Variants in NUP205 observed in about 807,000 individuals in gnomAD.
NUP205 encodes nucleoporin 205, also known as nuclear pore complex protein Nup205.
NUP205 carries 76 observed loss-of-function variants against 253.8 expected under a neutral mutation model. The observed-to-expected ratio is 0.30, with a 90% confidence interval of 0.25 to 0.36. The LOEUF (loss-of-function observed/expected upper bound fraction) is 0.36. NUP205 is among the 10% of genes least tolerant of loss of function. The probability of loss-of-function intolerance (pLI) is 1.00; values close to 1 mark genes in which losing one functional copy is unlikely to be tolerated. For missense variants in NUP205, 2,162 were observed against 2,425.5 expected, an observed-to-expected ratio of 0.89 and a Z score of 2.28; for synonymous variants, 832 against 850.1, an observed-to-expected ratio of 0.98 and a Z score of 0.37.
chr7:135,614,719 TTTAAC>T (rs766744084), intron 23 of NUP205, among the ~76,000 whole-genome samples: 5 of 152,222 alleles, frequency 3.3e-5, no homozygotes, highest in African/African-American at 4.8e-5. Flanking sequence ...AGAAAACAGT[TTTAAC>T]TTAGTTTATT....
intron 42 of NUP205, among the ~76,000 whole-genome samples, chr7:135,648,143 A>G (rs1795048036): frequency 6.6e-6 from 1 of 152,154 alleles, no homozygotes; most frequent in Non-Finnish European, 1.5e-5. Context: ...ATCAGCATCA[A>G]CATTCATTGC....
At chr7:135,560,736 ATAC>A (rs1400826514) in intron 1 of NUP205, among the ~76,000 whole-genome samples, 1 of 152,218 alleles carries the variant, frequency 6.6e-6, no homozygotes. Flanking sequence ...CAAGACACAA[ATAC>A]TACATGATTC....
At chr7:135,643,413 C>A in intron 39 of NUP205, 55 bp downstream of exon 39, 1 of 1,410,964 alleles carries the variant, frequency 7.1e-7, no homozygotes, top group Non-Finnish European at 9.8e-7. Flanking sequence ...TGTTACTAGG[C>A]CAGGGTACTC....
chr7:135,631,370 C>CT (rs976137987), intron 35 of NUP205, among the ~76,000 whole-genome samples: 7 of 152,088 alleles, frequency 4.6e-5, no homozygotes, highest in African/African-American at 1.7e-4. Flanking sequence ...AGTATGTCAC[C>CT]TTTTAAAAGA....
In NUP205 at chr7:135,616,157, A is replaced by C. The variant is rs1794352976; in HGVS notation, c.3460+92A>C. 1.2e-5 allele frequency: 13 copies of C among 1,129,778 alleles called. No individual in the cohort carries two copies. The South Asian group carries it at 2.4e-4, about 21-fold the overall frequency. The allele number at this position is 1,129,778 out of a possible 1,614,324, so 70.0% of individuals were successfully genotyped here. The stretch of plus-strand genomic sequence containing the variant: ...GCTTGTGCTTAGTATGTGACTATAG[A>C]CCAAAACTATCTTCTCACTTTTAGA... On this transcript the variant is annotated intron_variant, in intron 24 of 42. Transcript: ENST00000285968.
At chr7:135,559,640 G>A (rs1353114078) in intron 1 of NUP205, among the ~76,000 whole-genome samples, 1 of 151,370 alleles carries the variant, frequency 6.6e-6, no homozygotes, top group African/African-American at 2.4e-5. Context: ...CAAAGTGGTA[G>A]GTTTACAGGT....
chr7:135,578,110 T>G, intron 6 of NUP205, 86 bp downstream of exon 6: 1 of 910,680 alleles, frequency 1.1e-6, no homozygotes, highest in Non-Finnish European at 1.8e-6. Context: ...ATATTTTAGC[T>G]ACTAAAATAG....
intron 36 of NUP205, among the ~76,000 whole-genome samples, chr7:135,636,476 T>G (rs1416050170): frequency 1.3e-5 from 2 of 152,106 alleles, no homozygotes; most frequent in Non-Finnish European, 2.9e-5. Context: ...CCAGAAAAGA[T>G]TGTACTCTCA....
intron 22 of NUP205, among the ~76,000 whole-genome samples, chr7:135,611,541 T>C (rs1794237520): frequency 6.6e-6 from 1 of 152,234 alleles, no homozygotes; most frequent in Non-Finnish European, 1.5e-5. Context: ...TGTATATACA[T>C]TGTTTATAGT....
chr7:135,619,398 C>G, intron 28 of NUP205, 25 bp from the exon 29 acceptor site: 1 of 1,594,946 alleles, frequency 6.3e-7, no homozygotes, highest in Non-Finnish European at 8.5e-7. Flanking sequence ...AGGATTCTCA[C>G]TCTAATTTGC....
chr7:135,570,688 AT>A (rs1805940151), intron 1 of NUP205, among the ~76,000 whole-genome samples: 1 of 83,404 alleles, frequency 1.2e-5, no homozygotes, highest in Admixed American at 2.4e-4. Context: ...TATTAATTAT[AT>A]TAATATAATT....
At chr7:135,570,776 T>TTA (rs1805959794) in intron 1 of NUP205, among the ~76,000 whole-genome samples, 2 of 58,922 alleles carry the variant, frequency 3.4e-5, no homozygotes, top group Non-Finnish European at 6.2e-5. Context: ...TATTAATATA[T>TTA]ATTAATTATA....
chr7:135,590,940 T>A (rs751418918), intron 10 of NUP205, among the ~76,000 whole-genome samples: 1 of 152,134 alleles, frequency 6.6e-6, no homozygotes, highest in African/African-American at 2.4e-5. Flanking sequence ...TTGTTGATAA[T>A]AGGTTTAAGG....
chr7:135,636,135 T>C lies in NUP205; in HGVS notation c.5136+478T>C, dbSNP rs1419286385. ...TACAAGCTCTGTAATCTCCTCTCAA[T>C]ATGTTCTAACATATTAGTTTGTCAA... On this transcript the variant is annotated intron_variant, in intron 36 of 42. Coordinates refer to ENST00000285968, the MANE Select transcript of NUP205 (RefSeq NM_015135.3). Among the ~76,000 whole-genome samples, 8 of 152,212 alleles carry C rather than the reference T, an allele frequency of 5.3e-5. No individual in the cohort carries two copies. In the East Asian group the frequency reaches 1.5e-3, roughly 29 times the overall value.
At chr7:135,585,911 T>C (rs1806449314) in intron 8 of NUP205, among the ~76,000 whole-genome samples, 1 of 152,156 alleles carries the variant, frequency 6.6e-6, no homozygotes. Flanking sequence ...ATAATGAATT[T>C]AAGAAACCGT....
At chr7:135,558,730 G>A (rs1451274135) in intron 1 of NUP205, among the ~76,000 whole-genome samples, 1 of 152,198 alleles carries the variant, frequency 6.6e-6, no homozygotes, top group Non-Finnish European at 1.5e-5. Flanking sequence ...GCGGGGCAAG[G>A]ATGCAGAAAG....
At chr7:135,637,860 T>C in intron 36 of NUP205, 71 bp from the exon 37 acceptor site, 1 of 1,433,458 alleles carries the variant, frequency 7.0e-7, no homozygotes, top group Non-Finnish European at 9.4e-7. Flanking sequence ...GAGTTTTTCT[T>C]GTTTCTATCC....
At chr7:135,580,930 G>A (rs1312981913) in intron 7 of NUP205, among the ~76,000 whole-genome samples, 1 of 152,006 alleles carries the variant, frequency 6.6e-6, no homozygotes, top group Non-Finnish European at 1.5e-5. Flanking sequence ...GTAAAAATAG[G>A]TTAGGAATCA....
intron 11 of NUP205, 87 bp downstream of exon 11, chr7:135,591,687 G>A (rs1028844793): frequency 2.0e-5 from 24 of 1,196,924 alleles, no homozygotes; most frequent in Non-Finnish European, 2.5e-5. Context: ...ATTGGTGTTT[G>A]AACTAGGTTC....
Sources: allele counts gnomAD v4.1 joint callset (sites outside exome capture counted in the v4.1 genomes callset), GRCh38; gene constraint gnomAD v4.1.1; transcripts MANE v1.5; gene names NCBI Gene and HGNC (gene_info 2026-07-23, HGNC 2026-07-21).